Variants in SMAD5 observed in about 807,000 individuals in gnomAD.
SMAD5 encodes SMAD family member 5, also known as MAD, mothers against decapentaplegic homolog 5.
In SMAD5, 9 loss-of-function variants were observed where a neutral mutation model predicts 43.1. That is an observed-to-expected ratio of 0.21 (90% CI 0.13 to 0.36). The LOEUF is 0.36. Among genes scored for constraint, SMAD5 ranks in the 10% least tolerant of loss-of-function variants. The probability of loss-of-function intolerance (pLI) is 1.00; values close to 1 mark genes in which losing one functional copy is unlikely to be tolerated. For missense variants in SMAD5, 348 were observed against 574.0 expected (o/e 0.61, Z 4.02); for synonymous variants, 190 against 192.4 (o/e 0.99, Z 0.10).
intron 6 of SMAD5, 75 bp from the exon 7 acceptor site, chr5:136,174,301 G>A (rs1371676926): frequency 7.8e-6 from 11 of 1,408,580 alleles, no homozygotes; most frequent in Non-Finnish European, 9.9e-6. Context: ...GGGTACTTTT[G>A]TTGCACCATA....
Position 136,153,699 on chromosome 5 carries a change from A to G in SMAD5, c.-62A>G, listed in dbSNP as rs1002879726. On this transcript the variant is annotated 5_prime_UTR_variant, in exon 3 of 8. It removes the in-frame stop codon of an upstream open reading frame in the 5' UTR. Coordinates refer to ENST00000545279, the MANE Select transcript of SMAD5 (RefSeq NM_005903.7). ...ACCTGTGTATGACGTTTCACCTGTG[A>G]TCTGTTCTTTCGGTAGCCACTGACT... 1 of 1,405,620 alleles carries G rather than the reference A, an allele frequency of 7.1e-7. No homozygotes were observed. Among genetic ancestry groups the G allele is most frequent in the African/African-American group, 1.4e-5 (1 of 69,732 alleles). 87.1% of individuals were successfully genotyped at this position (1,405,620 alleles called of 1,614,324 possible). A position where few individuals can be genotyped will look rare whatever the true frequency, so the allele number is the denominator to read the frequency against.
chr5:136,170,762 T>TA (rs1382172828), intron 5 of SMAD5, among the ~76,000 whole-genome samples: 2 of 152,178 alleles, frequency 1.3e-5, no homozygotes, highest in African/African-American at 4.8e-5. Flanking sequence ...CAGAGTTTTG[T>TA]AGTCTTCCTC....
chr5:136,161,200 C>T, intron 4 of SMAD5, 93 bp downstream of exon 4: 1 of 1,086,862 alleles, frequency 9.2e-7, no homozygotes, highest in Non-Finnish European at 1.3e-6. Flanking sequence ...CTGTTACATG[C>T]CAAGGTATAA....
chr5:136,153,632 T>C lies in SMAD5; in HGVS notation c.-129T>C. ...AAGAAGCATATGGCACTTGTGAAGA[T>C]AAATGTTACTCCTCCCTTTTTAATT... On this transcript the variant is annotated 5_prime_UTR_variant, in exon 3 of 8. Coordinates refer to ENST00000545279, the MANE Select transcript of SMAD5 (RefSeq NM_005903.7). 3 of 708,256 alleles carry C rather than the reference T, an allele frequency of 4.2e-6. No individual in the cohort carries two copies. The highest frequency in any genetic ancestry group is 7.0e-6 in the Non-Finnish European group (3 of 426,226). The allele number at this position is 708,256 out of a possible 1,614,324, so 43.9% of individuals were successfully genotyped here.
chr5:136,161,431 T>C (rs941390796), intron 4 of SMAD5, among the ~76,000 whole-genome samples: 3 of 152,218 alleles, frequency 2.0e-5, no homozygotes, highest in Admixed American at 6.5e-5. Flanking sequence ...AATGACTATG[T>C]GAGATAGATA....
chr5:136,159,175 A>C (rs1241237633), intron 3 of SMAD5, among the ~76,000 whole-genome samples: 2 of 152,216 alleles, frequency 1.3e-5, no homozygotes, highest in East Asian at 3.8e-4. Flanking sequence ...GATTTAAGCA[A>C]AATGTTATAT....
intron 6 of SMAD5, among the ~76,000 whole-genome samples, chr5:136,173,286 G>T (rs1316154169): frequency 6.6e-6 from 1 of 152,284 alleles, no homozygotes; most frequent in East Asian, 1.9e-4. Context: ...AAAGTCTCAT[G>T]CATCAAGTGA....
intron 3 of SMAD5, among the ~76,000 whole-genome samples, 171 bp downstream of exon 3, chr5:136,154,334 T>C (rs1753562805): frequency 6.6e-6 from 1 of 152,222 alleles, no homozygotes; most frequent in African/African-American, 2.4e-5. Flanking sequence ...TTTTTATATG[T>C]AGGTGATACA....
intron 1 of SMAD5, among the ~76,000 whole-genome samples, chr5:136,143,906 A>G (rs2149761999): frequency 6.6e-6 from 1 of 152,022 alleles, no homozygotes; most frequent in South Asian, 2.1e-4. Flanking sequence ...CTTCTTAATC[A>G]GTCATATTCA....
chr5:136,161,012 T>C lies in SMAD5; in HGVS notation c.560T>C (p.Leu187Ser), dbSNP rs752715902. Residue 187 changes from leucine (L) to serine (S), a missense_variant, in exon 4 of 8, where the codon TTA becomes TCA. Leu to Ser is a moderately radical substitution (Grantham distance 145). Transcript: ENST00000545279. ...CAGCCCAACAACACTCCTTTTCCCT[T>C]ATCTCCAAACAGCCCTTATCCCCCT... ...FHQPNNTPFPLSPNSPYPPSP... is the reference protein window; with the variant it reads ...FHQPNNTPFPSSPNSPYPPSP... 1.9e-6 allele frequency: 3 copies of C among 1,613,804 alleles called. No homozygotes were observed. The highest frequency in any genetic ancestry group is 2.2e-5 in the South Asian group (2 of 91,060).
chr5:136,162,831 T>C (rs1164432487), intron 4 of SMAD5, among the ~76,000 whole-genome samples: 4 of 152,232 alleles, frequency 2.6e-5, no homozygotes, highest in African/African-American at 9.6e-5. Context: ...GACATAGTTT[T>C]ACTTTCCAGT....
rs1697367174 is a variant in SMAD5 at position 136,180,145 on chromosome 5, C to A, written c.*2665C>A. The A allele has an allele frequency of 6.6e-6, 1 of 152,266 alleles. No individual in the cohort carries two copies. The highest frequency in any genetic ancestry group is 6.5e-5 in the Admixed American group (1 of 15,300). 9.4% of individuals were successfully genotyped at this position (152,266 alleles called of 1,614,324 possible). A position where few individuals can be genotyped will look rare whatever the true frequency, so the allele number is the denominator to read the frequency against. ...TAAATGAAAATTTTATTCAGTCCAG[C>A]TATTCTTACAGTCCCTAAGGATTTT... On this transcript the variant is annotated 3_prime_UTR_variant, in exon 8 of 8. Transcript: ENST00000545279.
At chr5:136,161,238 G>T in intron 4 of SMAD5, 131 bp downstream of exon 4, 5 of 803,674 alleles carry the variant, frequency 6.2e-6, no homozygotes, top group Admixed American at 2.9e-5. Flanking sequence ...TTATTCTTTA[G>T]GTAATTGTTT....
At position 136,158,878 on chromosome 5, in the gene SMAD5, G is replaced by A. The variant is rs192629515; in HGVS notation, c.404-1978G>A. ...GGCGCCAGTGCACTCCAGCCTGGGC[G>A]ACAGAGCGAGACTCCATCTCAAAAA... On this transcript the variant is annotated intron_variant, in intron 3 of 7. Transcript: ENST00000545279. Among the ~76,000 whole-genome samples, 680 of 149,178 alleles carry A rather than the reference G, an allele frequency of 4.6e-3. 7 individuals are homozygous for A. The highest frequency in any genetic ancestry group is 0.016 in the African/African-American group (637 of 39,788).
intron 2 of SMAD5, among the ~76,000 whole-genome samples, chr5:136,152,482 T>G (rs975957991): frequency 1.3e-5 from 2 of 152,158 alleles, no homozygotes; most frequent in Non-Finnish European, 2.9e-5. Context: ...CAGTCCAGAA[T>G]AATATTGATG....
At chr5:136,150,156 CT>C (rs557292364) in intron 2 of SMAD5, among the ~76,000 whole-genome samples, 76 of 146,302 alleles carry the variant, frequency 5.2e-4, no homozygotes, top group Admixed American at 4.1e-4. Flanking sequence ...CTGTTGCAAA[CT>C]TTTTTTTTTT....
At chr5:136,149,851 C>T (rs1580772876) in intron 2 of SMAD5, among the ~76,000 whole-genome samples, 1 of 151,800 alleles carries the variant, frequency 6.6e-6, no homozygotes, top group Admixed American at 6.6e-5. Context: ...GAGATTTGCT[C>T]CTCTCCCTGT....
At chr5:136,150,317 C>G (rs1462298688) in intron 2 of SMAD5, among the ~76,000 whole-genome samples, 2 of 151,856 alleles carry the variant, frequency 1.3e-5, no homozygotes, top group Non-Finnish European at 2.9e-5. Flanking sequence ...GTAGAATTCT[C>G]ATTTTATCAT....
chr5:136,174,413 G>A lies in SMAD5; in HGVS notation c.1035G>A (p.Ala345=), dbSNP rs745980049. 13 of 1,613,396 alleles carry A rather than the reference G, an allele frequency of 8.1e-6. No homozygotes were observed. The highest frequency in any genetic ancestry group is 9.3e-6 in the Non-Finnish European group (11 of 1,179,452). Reference sequence around the variant, plus strand: ...ACTATGTTGGTGGAGAGGTGTATGCGGAATGCCTCAGTGACAGCAGCATAT... The same window carrying A: ...ACTATGTTGGTGGAGAGGTGTATGCAGAATGCCTCAGTGACAGCAGCATAT... ...HLYYVGGEVY[A]ECLSDSSIFV... Residue 345 remains alanine, a synonymous_variant, in exon 7 of 8, where the codon GCG becomes GCA. Transcript: ENST00000545279.
Sources: gnomAD v4.1 joint callset for allele counts (sites outside exome capture counted in the v4.1 genomes callset) on GRCh38, gnomAD v4.1.1 for gene constraint, MANE v1.5 for transcripts, NCBI Gene and HGNC (gene_info 2026-07-23, HGNC 2026-07-21) for gene names.